Variants in SNX24 observed in about 807,000 individuals in gnomAD.
SNX24 encodes the protein sorting nexin-24.
In SNX24, 22 loss-of-function variants were observed where a neutral mutation model predicts 28.7. The observed-to-expected ratio is 0.77, with a 90% CI of 0.55 to 1.10. The LOEUF (loss-of-function observed/expected upper bound fraction) is 1.10, where lower values mean the gene tolerates loss of function less well. Among genes scored for constraint, SNX24 ranks in the 50% least tolerant of loss-of-function variants. The pLI is 0.00. For synonymous variants in SNX24, 69 were observed against 71.5 expected (o/e 0.96, Z 0.18); for missense variants, 221 against 201.1 (o/e 1.10, Z -0.60).
chr5:123,007,426 T>C (rs923524181), intron 6 of SNX24, among the ~76,000 whole-genome samples: 1 of 152,196 alleles, frequency 6.6e-6, no homozygotes, highest in Non-Finnish European at 1.5e-5. Flanking sequence ...CATTAACTGT[T>C]AGAACATCCC....
chr5:122,864,830 T>C (rs982131952), intron 1 of SNX24, among the ~76,000 whole-genome samples: 4 of 152,260 alleles, frequency 2.6e-5, no homozygotes, highest in Non-Finnish European at 4.4e-5. Flanking sequence ...TTTCTAATCT[T>C]GTGGCTAATT....
chr5:122,954,976 C>T (rs1272243557), intron 3 of SNX24, among the ~76,000 whole-genome samples: 1 of 152,028 alleles, frequency 6.6e-6, no homozygotes, highest in African/African-American at 2.4e-5. Flanking sequence ...CTTCTTTCTC[C>T]TCTTATTCCA....
intron 3 of SNX24, among the ~76,000 whole-genome samples, chr5:122,993,580 G>C (rs148250615): frequency 0.013 from 2,036 of 152,256 alleles, 40 homozygotes; most frequent in African/African-American, 0.032. Flanking sequence ...GATTATAGGC[G>C]TGAGCCACCA....
At chr5:122,955,898 G>T (rs1760186746) in intron 3 of SNX24, among the ~76,000 whole-genome samples, 1 of 152,086 alleles carries the variant, frequency 6.6e-6, no homozygotes, top group Non-Finnish European at 1.5e-5. Flanking sequence ...GGAAGTCTAG[G>T]CTTCCCACTA....
At chr5:122,968,816 A>G (rs1283140525) in intron 3 of SNX24, among the ~76,000 whole-genome samples, 2 of 152,132 alleles carry the variant, frequency 1.3e-5, no homozygotes, top group African/African-American at 4.8e-5. Flanking sequence ...AATAGATACA[A>G]TAAAATAAAA....
rs554807890 is a variant in SNX24, at chr5:122,879,673, T to TTGTA, written c.60+34002_60+34005dup. ...ATGTAATAACAAATTTAATCAATTT[T>TTGTA]TGTATGTATGTATGTATGTATGTAT... On this transcript the variant is annotated intron_variant, in intron 1 of 6. Transcript: ENST00000261369. 2.4e-3 allele frequency among the ~76,000 whole-genome samples: 366 copies of TTGTA among 151,490 alleles called. 1 individual carries two copies. The highest frequency in any genetic ancestry group is 6.9e-3 in the African/African-American group (284 of 41,270).
chr5:122,934,150 A>G (rs558350848), intron 1 of SNX24, among the ~76,000 whole-genome samples: 1 of 152,244 alleles, frequency 6.6e-6, no homozygotes, highest in South Asian at 2.1e-4. Flanking sequence ...TTGAATAAAT[A>G]AACAGATGAA....
intron 5 of SNX24, chr5:123,023,308 G>A (rs35413555): frequency 0.027 from 4,110 of 152,304 alleles, 73 homozygotes; most frequent in Non-Finnish European, 0.037. Context: ...TCTGTTCACT[G>A]TTAATGCTAG....
intron 1 of SNX24, among the ~76,000 whole-genome samples, chr5:122,885,888 A>C (rs1204068769): frequency 1.3e-5 from 2 of 152,124 alleles, no homozygotes; most frequent in East Asian, 3.9e-4. Context: ...GGCATTAGTT[A>C]GATTCTCATA....
intron 1 of SNX24, among the ~76,000 whole-genome samples, chr5:122,878,345 G>A (rs1387016322): frequency 6.6e-6 from 1 of 152,146 alleles, no homozygotes; most frequent in East Asian, 1.9e-4. Flanking sequence ...GAAGGGGCCA[G>A]TGGGAAATGG....
intron 3 of SNX24, among the ~76,000 whole-genome samples, chr5:122,973,116 T>C (rs1030207423): frequency 1.3e-5 from 2 of 152,202 alleles, no homozygotes; most frequent in Non-Finnish European, 2.9e-5. Context: ...TGAACACTCA[T>C]ATGGGATAGA....
At chr5:123,002,564 G>A (rs1039969510) in intron 6 of SNX24, among the ~76,000 whole-genome samples, 4 of 152,140 alleles carry the variant, frequency 2.6e-5, no homozygotes, top group African/African-American at 7.2e-5. Flanking sequence ...CCCGGGAGGC[G>A]GAGCTTGCAG....
At chr5:122,968,036 A>T (rs147898538) in intron 3 of SNX24, among the ~76,000 whole-genome samples, 4 of 152,222 alleles carry the variant, frequency 2.6e-5, no homozygotes. Context: ...AAAAATGTCT[A>T]TTATTATGGG....
intron 3 of SNX24, among the ~76,000 whole-genome samples, chr5:122,989,316 T>C (rs1452170102): frequency 6.6e-6 from 1 of 152,162 alleles, no homozygotes; most frequent in Non-Finnish European, 1.5e-5. Flanking sequence ...GGCCTTTTCC[T>C]CATAATTATA....
chr5:122,976,195 T>G (rs1028910658), intron 3 of SNX24, among the ~76,000 whole-genome samples: 7 of 151,632 alleles, frequency 4.6e-5, no homozygotes, highest in African/African-American at 1.7e-4. Flanking sequence ...CCAGAGACAC[T>G]TTTTTTTAAT....
At chr5:122,898,952 T>C (rs1277841868) in intron 1 of SNX24, among the ~76,000 whole-genome samples, 2 of 152,210 alleles carry the variant, frequency 1.3e-5, no homozygotes, top group African/African-American at 4.8e-5. Flanking sequence ...TCCCCATCCT[T>C]GGGTGCACAC....
At chr5:122,945,926 CTA>C (rs1759661296) in intron 2 of SNX24, 127 bp from the exon 3 acceptor site, 1 of 516,182 alleles carries the variant, frequency 1.9e-6, no homozygotes, top group Non-Finnish European at 3.5e-6. Context: ...ATATTTTCCT[CTA>C]TTTTTTATTG....
At chr5:122,891,345 A>G (rs1162464532) in intron 1 of SNX24, among the ~76,000 whole-genome samples, 1 of 152,140 alleles carries the variant, frequency 6.6e-6, no homozygotes, top group Non-Finnish European at 1.5e-5. Context: ...TTACCAAATG[A>G]TATGTACAGT....
chr5:122,971,466 C>T (rs191049960), intron 3 of SNX24, among the ~76,000 whole-genome samples: 7 of 152,120 alleles, frequency 4.6e-5, no homozygotes, highest in Non-Finnish European at 1.0e-4. Context: ...GCCCACCCCT[C>T]GTCAACTTGA....
Sources: allele counts gnomAD v4.1 joint callset (sites outside exome capture counted in the v4.1 genomes callset), GRCh38; gene constraint gnomAD v4.1.1; transcripts MANE v1.5; gene names NCBI Gene and HGNC (gene_info 2026-07-23, HGNC 2026-07-21).